Variants in DUSP19 observed in about 807,000 individuals in gnomAD.
DUSP19 encodes dual specificity phosphatase 19.
DUSP19 carries 14 observed loss-of-function variants against 16.6 expected under a neutral mutation model. The observed-to-expected ratio is 0.84, with a 90% CI of 0.56 to 1.32. The LOEUF (loss-of-function observed/expected upper bound fraction) is 1.32, where lower values mean the gene tolerates loss of function less well. DUSP19 is among the 40% of genes most tolerant of loss of function. The pLI is 0.00. For synonymous variants in DUSP19, 81 were observed against 90.5 expected, an observed-to-expected ratio of 0.90 and a Z score of 0.59; for missense variants, 258 against 255.9, an observed-to-expected ratio of 1.01 and a Z score of -0.06.
intron 1 of DUSP19, among the ~76,000 whole-genome samples, chr2:183,080,237 C>A (rs1699575246): frequency 1.3e-5 from 2 of 152,136 alleles, no homozygotes; most frequent in Admixed American, 1.3e-4. Flanking sequence ...CCTTTCTGGT[C>A]CTCCAAAAAG....
intron 3 of DUSP19, among the ~76,000 whole-genome samples, chr2:183,088,398 T>G (rs1048106624): frequency 5.2e-4 from 69 of 133,458 alleles, no homozygotes; most frequent in Admixed American, 1.1e-3. Flanking sequence ...GTTTTTTGTG[T>G]TTTTTTTTTT....
rs890034781 is a variant in DUSP19 at position 183,096,348 on chromosome 2, T to G, written c.*690T>G. On this transcript the variant is annotated 3_prime_UTR_variant, in exon 4 of 4. Transcript: ENST00000354221. ...GCCTCCCGGGTTCAAGCGATTCTCC[T>G]GCCCCAGCCTCCCATATAGCTGGGA... 4 of 151,950 alleles carry G rather than the reference T, an allele frequency of 2.6e-5. No individual in the cohort carries two copies. The highest frequency in any genetic ancestry group is 9.7e-5 in the African/African-American group (4 of 41,316). The allele number at this position is 151,950 out of a possible 1,614,324, so 9.4% of individuals were successfully genotyped here. A position where few individuals can be genotyped will look rare whatever the true frequency, so the allele number is the denominator to read the frequency against.
chr2:183,092,355 G>A (rs1014181432), intron 3 of DUSP19, among the ~76,000 whole-genome samples: 1 of 152,120 alleles, frequency 6.6e-6, no homozygotes, highest in Non-Finnish European at 1.5e-5. Flanking sequence ...AGCCCAGCAT[G>A]CATTAGTTAT....
At chr2:183,083,371 G>T (rs1219901309) in intron 1 of DUSP19, 137 bp from the exon 2 acceptor site, 3 of 681,634 alleles carry the variant, frequency 4.4e-6, no homozygotes, top group Non-Finnish European at 7.2e-6. Flanking sequence ...TTATCAAATT[G>T]CCCTTCAGAA....
chr2:183,088,657 A>G (rs986627560), intron 3 of DUSP19, among the ~76,000 whole-genome samples: 5 of 152,148 alleles, frequency 3.3e-5, no homozygotes, highest in Non-Finnish European at 7.4e-5. Flanking sequence ...TCCTGAGCTC[A>G]GGCAGACCAC....
At position 183,099,233 on chromosome 2, in the gene DUSP19, AGAGTTAACCTAAT is replaced by A. The variant is rs1319811272; in HGVS notation, c.*3580_*3592del. 8 of 152,204 alleles carry A rather than the reference AGAGTTAACCTAAT, an allele frequency of 5.3e-5. No individual in the cohort carries two copies. Among genetic ancestry groups the A allele is most frequent in the Non-Finnish European group, 8.8e-5 (6 of 68,024 alleles). 9.4% of individuals were successfully genotyped at this position (152,204 alleles called of 1,614,324 possible). A position where few individuals can be genotyped will look rare whatever the true frequency, so the allele number is the denominator to read the frequency against. ...TCAGAATATCATCTTATAATCTTAC[AGAGTTAACCTAAT>A]GAGTCAATACCTTTATAAGCAAAAC... On this transcript the variant is annotated 3_prime_UTR_variant, in exon 4 of 4. Transcript: ENST00000354221.
At position 183,095,811 on chromosome 2, in the gene DUSP19, C is replaced by T; in HGVS notation, c.*153C>T. On this transcript the variant is annotated 3_prime_UTR_variant, in exon 4 of 4. Coordinates refer to ENST00000354221, the MANE Select transcript of DUSP19 (RefSeq NM_080876.4). ...AGGTCAATTTGATTGTCCTGACCTA[C>T]TGTATAAGTAAATTTCAAATGTCAT... The T allele has an allele frequency of 2.1e-6, 1 of 480,026 alleles. No homozygotes were observed. 29.7% of individuals were successfully genotyped at this position (480,026 alleles called of 1,614,324 possible).
At position 183,078,801 on chromosome 2, in the gene DUSP19, C is replaced by A. The variant is rs747631814; in HGVS notation, c.-133C>A. 18 of 739,268 alleles carry A rather than the reference C, an allele frequency of 2.4e-5. No homozygotes were observed. Among genetic ancestry groups the A allele is most frequent in the Non-Finnish European group, 3.8e-5 (17 of 453,096 alleles). 45.8% of individuals were successfully genotyped at this position (739,268 alleles called of 1,614,324 possible). A position where few individuals can be genotyped will look rare whatever the true frequency, so the allele number is the denominator to read the frequency against. ...GACGACTCAGTCTCTTGGTCTGTGG[C>A]TGCTGCGGTTACCTGGATGGGCGAG... On this transcript the variant is annotated 5_prime_UTR_variant, in exon 1 of 4. In the 5' UTR this introduces an upstream ATG that the reference lacks. Transcript: ENST00000354221.
At position 183,099,220 on chromosome 2, in the gene DUSP19, C is replaced by G. The variant is rs531666400; in HGVS notation, c.*3562C>G. The G allele has an allele frequency of 3.3e-5, 5 of 152,264 alleles. No individual in the cohort carries two copies. In the South Asian group the frequency reaches 1.0e-3, roughly 32 times the overall value. 9.4% of individuals were successfully genotyped at this position (152,264 alleles called of 1,614,324 possible). On this transcript the variant is annotated 3_prime_UTR_variant, in exon 4 of 4. Transcript: ENST00000354221. ...TAGCAAGTATAAATCAGAATATCAT[C>G]TTATAATCTTACAGAGTTAACCTAA... is the stretch of plus-strand genomic sequence containing the variant.
At chr2:183,091,722 A>G (rs140797665) in intron 3 of DUSP19, among the ~76,000 whole-genome samples, 1 of 152,304 alleles carries the variant, frequency 6.6e-6, no homozygotes, top group Admixed American at 6.5e-5. Context: ...GTGGACAGCA[A>G]ATTTCCCATC....
Position 183,095,489 on chromosome 2 carries a change from T to C in DUSP19, c.485T>C (p.Ile162Thr), listed in dbSNP as rs768846446. ...AGVSRAAAIV[I>T]GFLMNSEQTS... ...GTTTCCAGGGCTGCTGCAATTGTAA[T>C]AGGTTTCCTGATGAATTCTGAACAA... Residue 162 changes from isoleucine to threonine, a missense_variant, in exon 4 of 4, where the codon ATA becomes ACA. Physicochemically the swap from Ile to Thr is moderately conservative, Grantham distance 89. Coordinates refer to ENST00000354221, the MANE Select transcript of DUSP19 (RefSeq NM_080876.4). 3.1e-6 allele frequency: 5 copies of C among 1,613,800 alleles called. No homozygotes were observed. The highest frequency in any genetic ancestry group is 4.2e-6 in the Non-Finnish European group (5 of 1,179,882).
chr2:183,082,956 C>T (rs1427379720), intron 1 of DUSP19, among the ~76,000 whole-genome samples: 2 of 151,004 alleles, frequency 1.3e-5, no homozygotes, highest in Non-Finnish European at 2.9e-5. Flanking sequence ...GGCTGGAGTG[C>T]AGTGGCATAA....
intron 2 of DUSP19, among the ~76,000 whole-genome samples, chr2:183,084,505 G>T (rs116021495): frequency 6.6e-6 from 1 of 152,108 alleles, no homozygotes; most frequent in Non-Finnish European, 1.5e-5. Context: ...AAAGGTGGAT[G>T]CTTTCAGGGA....
intron 3 of DUSP19, among the ~76,000 whole-genome samples, chr2:183,091,487 A>G (rs924528729): frequency 5.9e-5 from 9 of 152,202 alleles, no homozygotes; most frequent in African/African-American, 2.2e-4. Context: ...AAGTTTCCCA[A>G]TGGCCACTTC....
At chr2:183,094,639 G>C (rs1699775012) in intron 3 of DUSP19, among the ~76,000 whole-genome samples, 1 of 152,142 alleles carries the variant, frequency 6.6e-6, no homozygotes, top group South Asian at 2.1e-4. Flanking sequence ...CAAGTTACCT[G>C]AAATGTTTTT....
At position 183,095,411 on chromosome 2, in the gene DUSP19, G is replaced by T. The variant is rs774826016; in HGVS notation, c.427-20G>T. ...TCTCAAATGAATAATGAAGATTTTT[G>T]TTTGTTTTTTTTTTTGTAGGATGGA... On this transcript the variant is annotated intron_variant, in intron 3 of 3. Transcript: ENST00000354221. 8.4e-6 allele frequency: 13 copies of T among 1,543,580 alleles called. No homozygotes were observed. Among genetic ancestry groups the T allele is most frequent in the Non-Finnish European group, 1.0e-5 (12 of 1,143,114 alleles).
chr2:183,084,750 A>T (rs1447069210), intron 2 of DUSP19, among the ~76,000 whole-genome samples: 1 of 152,206 alleles, frequency 6.6e-6, no homozygotes, highest in Non-Finnish European at 1.5e-5. Context: ...TGGAAAATCG[A>T]TTGGAGGGTT....
At chr2:183,086,742 G>T (rs1028860472) in intron 2 of DUSP19, among the ~76,000 whole-genome samples, 1 of 151,628 alleles carries the variant, frequency 6.6e-6, no homozygotes, top group African/African-American at 2.4e-5. Context: ...AGGATCACCT[G>T]AGCCTAGGAG....
rs1261988341 is a variant in DUSP19 at position 183,098,522 on chromosome 2, T to TA, written c.*2868dup. ...TCCTCTTTCTCACATACTGCAAACT[T>TA]AAAAGATACATACACCAAATATAGG... On this transcript the variant is annotated 3_prime_UTR_variant, in exon 4 of 4. Coordinates refer to ENST00000354221, the MANE Select transcript of DUSP19 (RefSeq NM_080876.4). 1 of 152,186 alleles carries TA rather than the reference T, an allele frequency of 6.6e-6. No homozygotes were observed. Among genetic ancestry groups the TA allele is most frequent in the Non-Finnish European group, 1.5e-5 (1 of 68,020 alleles). 9.4% of individuals were successfully genotyped at this position (152,186 alleles called of 1,614,324 possible). A position where few individuals can be genotyped will look rare whatever the true frequency, so the allele number is the denominator to read the frequency against.
Sources: gnomAD v4.1 joint callset for allele counts (sites outside exome capture counted in the v4.1 genomes callset) on GRCh38, gnomAD v4.1.1 for gene constraint, MANE v1.5 for transcripts, NCBI Gene and HGNC (gene_info 2026-07-23, HGNC 2026-07-21) for gene names.